Variants in PRPSAP2 observed in about 807,000 individuals in gnomAD.
PRPSAP2 encodes phosphoribosyl pyrophosphate synthase-associated protein 2.
In PRPSAP2, 24 loss-of-function variants were observed where a neutral mutation model predicts 40.6. The ratio of observed to expected loss-of-function variants is 0.59; its 90% CI spans 0.43 to 0.83. The LOEUF is 0.83. Ranked by LOEUF, PRPSAP2 falls within the 40% of genes least tolerant of loss-of-function variation. PRPSAP2 has a pLI of 0.00. For missense variants in PRPSAP2, 292 were observed against 465.6 expected, an observed-to-expected ratio of 0.63 and a Z score of 3.43; for synonymous variants, 149 against 164.7, an observed-to-expected ratio of 0.90 and a Z score of 0.73.
rs1386488572 is a variant in PRPSAP2, at chr17:18,931,164, T to C, written c.*466T>C. The C allele has an allele frequency of 6.6e-6, 1 of 152,362 alleles. No individual in the cohort carries two copies. Among genetic ancestry groups the C allele is most frequent in the Non-Finnish European group, 1.5e-5 (1 of 68,126 alleles). 9.4% of individuals were successfully genotyped at this position (152,362 alleles called of 1,614,324 possible). On this transcript the variant is annotated 3_prime_UTR_variant, in exon 12 of 12. Transcript: ENST00000268835. Reference sequence around the variant, plus strand: ...ATATGGAATATGTGATTGTATTTATTTTCTGCAACTAAAAAAGGAATAAAA... The same window carrying C: ...ATATGGAATATGTGATTGTATTTATCTTCTGCAACTAAAAAAGGAATAAAA...
intron 8 of PRPSAP2, among the ~76,000 whole-genome samples, chr17:18,904,101 T>C (rs2040439544): frequency 1.3e-5 from 2 of 152,306 alleles, no homozygotes; most frequent in South Asian, 4.1e-4. Flanking sequence ...AGCCAGTCTT[T>C]GTGAGAACCT....
chr17:18,912,391 G>A (rs1236957340), intron 9 of PRPSAP2, among the ~76,000 whole-genome samples: 1 of 152,276 alleles, frequency 6.6e-6, no homozygotes, highest in African/African-American at 2.4e-5. Context: ...TACCACCACA[G>A]TGGGTTCCAG....
intron 8 of PRPSAP2, among the ~76,000 whole-genome samples, chr17:18,905,235 A>G (rs915357194): frequency 6.6e-6 from 1 of 152,118 alleles, no homozygotes; most frequent in Non-Finnish European, 1.5e-5. Context: ...CACGTTGGCC[A>G]GGCTGGTCTC....
At chr17:18,879,311 G>A (rs1357711402) in intron 6 of PRPSAP2, among the ~76,000 whole-genome samples, 2 of 151,938 alleles carry the variant, frequency 1.3e-5, no homozygotes, top group Non-Finnish European at 2.9e-5. Flanking sequence ...TTGAGACGGA[G>A]TCTTGCTCTG....
At chr17:18,876,662 G>A (rs1490812384) in intron 5 of PRPSAP2, among the ~76,000 whole-genome samples, 2 of 152,204 alleles carry the variant, frequency 1.3e-5, no homozygotes, top group African/African-American at 4.8e-5. Context: ...TATCTAGAAG[G>A]TGATGAATGG....
Position 18,930,527 on chromosome 17 carries a change from T to A in PRPSAP2, c.952-13T>A. 1 of 1,604,834 alleles carries A rather than the reference T, an allele frequency of 6.2e-7. No individual in the cohort carries two copies. Among genetic ancestry groups the A allele is most frequent in the Non-Finnish European group, 8.5e-7 (1 of 1,175,588 alleles). ...CTTTCTGATGCTGTGGTTTTTTTTC[T>A]TTTGCTTCACAGGTGGTGGTCACCA... On this transcript the variant is annotated splice_polypyrimidine_tract_variant and intron_variant, in intron 11 of 11. Transcript: ENST00000268835.
At chr17:18,926,283 T>C (rs1444245150) in intron 10 of PRPSAP2, among the ~76,000 whole-genome samples, 1 of 150,260 alleles carries the variant, frequency 6.7e-6, no homozygotes, top group African/African-American at 2.5e-5. Flanking sequence ...ATTTTTTTTT[T>C]TGAGACAAAG....
intron 9 of PRPSAP2, among the ~76,000 whole-genome samples, chr17:18,915,544 C>G (rs1567740830): frequency 6.6e-6 from 1 of 152,156 alleles, no homozygotes; most frequent in Admixed American, 6.6e-5. Flanking sequence ...TCACATCTGG[C>G]AGTTTCTGGT....
intron 6 of PRPSAP2, among the ~76,000 whole-genome samples, chr17:18,879,893 T>C (rs1452402286): frequency 1.3e-3 from 1 of 800 alleles, no homozygotes; most frequent in Non-Finnish European, 2.5e-3. Flanking sequence ...AGGTTGGGAG[T>C]TCAGAGCAGC....
chr17:18,911,320 GT>G lies in PRPSAP2; in HGVS notation c.733+76del. On this transcript the variant is annotated intron_variant, in intron 9 of 11. Coordinates refer to ENST00000268835, the MANE Select transcript of PRPSAP2 (RefSeq NM_002767.4). This position sits in a 1 kb window ranked among gnomAD's most constrained non-coding sequence, Gnocchi z 4.5. Reference sequence around the variant, plus strand: ...GGCTGACTACACTGTTGTCTGTGTGGTTTTTTTCCTCATTCTTCGTTTTTTT... The same window carrying G: ...GGCTGACTACACTGTTGTCTGTGTGGTTTTTTCCTCATTCTTCGTTTTTTT... 2.9e-6 allele frequency: 4 copies of G among 1,381,924 alleles called. No homozygotes were observed. The highest frequency in any genetic ancestry group is 3.8e-6 in the Non-Finnish European group (4 of 1,059,256). 85.6% of individuals were successfully genotyped at this position (1,381,924 alleles called of 1,614,324 possible).
intron 8 of PRPSAP2, chr17:18,908,911 A>G (rs1405067639): frequency 1.1e-5 from 5 of 441,760 alleles, no homozygotes; most frequent in South Asian, 1.0e-4. Context: ...TTCCTTTTCA[A>G]ATTTTACCCT....
chr17:18,909,328 G>A (rs1158605822), intron 8 of PRPSAP2, among the ~76,000 whole-genome samples: 2 of 144,770 alleles, frequency 1.4e-5, no homozygotes, highest in Non-Finnish European at 3.0e-5. Flanking sequence ...TGCGAGCTCC[G>A]CCTTCCAGGT....
At position 18,898,179 on chromosome 17, in the gene PRPSAP2, A is replaced by T. The variant is rs1040766513; in HGVS notation, c.584+8302A>T. ...ACGCCCAGCTAATTTTTGTATTTTT[A>T]GTAGAGATGGGGTTTCACTGTGTTG... On this transcript the variant is annotated intron_variant, in intron 8 of 11. Coordinates refer to ENST00000268835, the MANE Select transcript of PRPSAP2 (RefSeq NM_002767.4). Among the ~76,000 whole-genome samples the T allele has an allele frequency of 4.6e-5, 7 of 151,628 alleles. No homozygotes were observed. In the South Asian group the frequency reaches 1.3e-3, roughly 27 times the overall value.
chr17:18,861,594 C>T (rs1480062494), intron 1 of PRPSAP2: 2 of 152,102 alleles, frequency 1.3e-5, no homozygotes, highest in Non-Finnish European at 2.9e-5. Flanking sequence ...TCCACTCCAC[C>T]ATGTCATTTT....
intron 9 of PRPSAP2, among the ~76,000 whole-genome samples, chr17:18,922,046 A>G (rs1346832851): frequency 6.6e-6 from 1 of 152,172 alleles, no homozygotes; most frequent in Non-Finnish European, 1.5e-5. Flanking sequence ...ATGTTTGCCT[A>G]ATCTGGACAC....
chr17:18,864,349 AG>A (rs2037274314), intron 1 of PRPSAP2, among the ~76,000 whole-genome samples: 1 of 150,940 alleles, frequency 6.6e-6, no homozygotes, highest in African/African-American at 2.4e-5. Flanking sequence ...GCTGGAGTAC[AG>A]TGGTGCAATC....
chr17:18,856,786 T>C (rs1254269405), upstream of PRPSAP2, among the ~76,000 whole-genome samples: 2 of 152,216 alleles, frequency 1.3e-5, no homozygotes, highest in Admixed American at 1.3e-4. Flanking sequence ...TTATTTAACG[T>C]CGTCGTCTCA....
intron 9 of PRPSAP2, among the ~76,000 whole-genome samples, chr17:18,923,561 A>T (rs567686742): frequency 2.6e-5 from 4 of 152,320 alleles, no homozygotes; most frequent in African/African-American, 9.6e-5. Flanking sequence ...TTCAATATGT[A>T]GGAACATGTC....
At chr17:18,913,511 AGTCACT>A (rs1227700385) in intron 9 of PRPSAP2, among the ~76,000 whole-genome samples, 1 of 140,274 alleles carries the variant, frequency 7.1e-6, no homozygotes, top group Non-Finnish European at 1.5e-5. Flanking sequence ...GGGGTCATTG[AGTCACT>A]GTCTTGATGA....
Sources: allele counts gnomAD v4.1 joint callset (sites outside exome capture counted in the v4.1 genomes callset), GRCh38; gene constraint gnomAD v4.1.1; non-coding constraint Gnocchi (gnomAD v3.1); transcripts MANE v1.5; gene names NCBI Gene and HGNC (gene_info 2026-07-23, HGNC 2026-07-21).